The following TMEM178B variants were observed in gnomAD, a reference collection of about 807,000 sequenced individuals.
The protein encoded by TMEM178B is transmembrane protein 178B.
Under a neutral mutation model 31.0 loss-of-function variants are expected in TMEM178B, and 5 were observed. The ratio of observed to expected loss-of-function variants is 0.16; its 90% CI spans 0.08 to 0.34. The LOEUF is 0.34. TMEM178B is among the 10% of genes least tolerant of loss of function. The probability of loss-of-function intolerance (pLI) is 1.00; values close to 1 mark genes in which losing one functional copy is unlikely to be tolerated. For synonymous variants in TMEM178B, 164 were observed against 164.0 expected (o/e 1.00, Z 0.00); for missense variants, 275 against 400.3 (o/e 0.69, Z 2.67).
intron 1 of TMEM178B, among the ~76,000 whole-genome samples, chr7:141,088,056 G>A (rs530023552): frequency 6.6e-6 from 1 of 152,224 alleles, no homozygotes; most frequent in East Asian, 1.9e-4. Context: ...AAGGTCCCAG[G>A]TGGGTGTTCT....
intron 2 of TMEM178B, among the ~76,000 whole-genome samples, chr7:141,365,629 C>A (rs1563162862): frequency 6.6e-6 from 1 of 152,236 alleles, no homozygotes; most frequent in Non-Finnish European, 1.5e-5. Flanking sequence ...GCCTGGCTTA[C>A]AGCATATCTC....
At chr7:141,243,194 A>C (rs1348217837) in intron 2 of TMEM178B, among the ~76,000 whole-genome samples, 1 of 152,024 alleles carries the variant, frequency 6.6e-6, no homozygotes, top group Non-Finnish European at 1.5e-5. Context: ...AATGAAGGGG[A>C]GAATTGTCTC....
At chr7:141,304,623 C>T (rs919036661) in intron 2 of TMEM178B, among the ~76,000 whole-genome samples, 2 of 151,160 alleles carry the variant, frequency 1.3e-5, no homozygotes, top group African/African-American at 2.5e-5. Flanking sequence ...CTCCAGGCTT[C>T]AGGCCTGCTG....
chr7:141,286,863 T>G (rs780630499), intron 2 of TMEM178B, among the ~76,000 whole-genome samples: 5 of 152,338 alleles, frequency 3.3e-5, no homozygotes, highest in Admixed American at 1.3e-4. Context: ...TCTGGGACTT[T>G]TAATGACATT....
intron 2 of TMEM178B, chr7:141,297,185 G>A (rs1798648890): frequency 6.6e-6 from 1 of 152,182 alleles, no homozygotes. Context: ...GAGAGGTTAA[G>A]GATATAATTG....
intron 2 of TMEM178B, among the ~76,000 whole-genome samples, chr7:141,316,892 C>G (rs1799015207): frequency 6.6e-6 from 1 of 152,194 alleles, no homozygotes; most frequent in African/African-American, 2.4e-5. Flanking sequence ...ACACAACTGC[C>G]TCTCCTGCAG....
intron 2 of TMEM178B, among the ~76,000 whole-genome samples, chr7:141,401,221 AG>A (rs1384549605): frequency 1.3e-5 from 2 of 152,244 alleles, no homozygotes; most frequent in Non-Finnish European, 2.9e-5. Flanking sequence ...TGAATGAATG[AG>A]GGAACCCACT....
intron 1 of TMEM178B, among the ~76,000 whole-genome samples, chr7:141,122,139 C>T (rs1399634866): frequency 2.0e-5 from 3 of 151,940 alleles, no homozygotes; most frequent in Non-Finnish European, 4.4e-5. Flanking sequence ...AAAACTGGAA[C>T]ATAATATATT....
intron 2 of TMEM178B, among the ~76,000 whole-genome samples, chr7:141,291,317 G>A (rs1043876944): frequency 6.6e-6 from 1 of 152,104 alleles, no homozygotes; most frequent in African/African-American, 2.4e-5. Context: ...ACATCACCGT[G>A]TATCAGACTC....
chr7:141,313,873 G>A (rs1798955768), intron 2 of TMEM178B, among the ~76,000 whole-genome samples: 1 of 152,034 alleles, frequency 6.6e-6, no homozygotes, highest in Non-Finnish European at 1.5e-5. Context: ...ACTTTTGTTA[G>A]GACCCCCCTG....
At chr7:141,492,883 A>G in the TMEM178B span, among the ~76,000 whole-genome samples, 24 of 152,238 alleles carry the variant, frequency 1.6e-4, no homozygotes, top group Middle Eastern at 6.8e-3. Context: ...CACATCTTAG[A>G]TCTCACTGTT....
chr7:141,260,151 C>T (rs1288396874), intron 2 of TMEM178B, among the ~76,000 whole-genome samples: 1 of 152,156 alleles, frequency 6.6e-6, no homozygotes, highest in Non-Finnish European at 1.5e-5. Context: ...TTATTTGCCA[C>T]CGAGATTGCT....
chr7:141,147,734 C>T (rs1382618567), intron 1 of TMEM178B, among the ~76,000 whole-genome samples: 3 of 152,152 alleles, frequency 2.0e-5, no homozygotes, highest in African/African-American at 2.4e-5. Flanking sequence ...GCGAGAGAGA[C>T]AGGTTGTGGG....
chr7:141,129,924 G>A (rs562821477), intron 1 of TMEM178B, among the ~76,000 whole-genome samples: 6 of 152,168 alleles, frequency 3.9e-5, no homozygotes, highest in Non-Finnish European at 8.8e-5. Context: ...AAAGACCTGG[G>A]ATCAATAGAA....
At chr7:141,079,695 A>C (rs1188975870) in intron 1 of TMEM178B, among the ~76,000 whole-genome samples, 1 of 152,214 alleles carries the variant, frequency 6.6e-6, no homozygotes, top group Non-Finnish European at 1.5e-5. Context: ...ATTAAACATC[A>C]CTTGCAAAGT....
chr7:141,423,008 C>T (rs1278481810), intron 2 of TMEM178B, among the ~76,000 whole-genome samples: 2 of 152,132 alleles, frequency 1.3e-5, no homozygotes, highest in Non-Finnish European at 2.9e-5. Flanking sequence ...ACCTTACAGA[C>T]ACAAAAAGAA....
At chr7:141,329,180 A>C (rs73737788) in intron 2 of TMEM178B, among the ~76,000 whole-genome samples, 14,315 of 152,218 alleles carry the variant, frequency 0.094, 1,451 homozygotes, top group African/African-American at 0.26. Context: ...AACCTGAGAT[A>C]TCTGGCAAGA....
intron 2 of TMEM178B, among the ~76,000 whole-genome samples, chr7:141,258,459 G>A (rs1797963263): frequency 4.0e-5 from 6 of 151,816 alleles, no homozygotes; most frequent in Admixed American, 3.9e-4. Context: ...GGACAAGCTT[G>A]GTTTAAATAA....
At chr7:141,115,988 A>G (rs1332685470) in intron 1 of TMEM178B, among the ~76,000 whole-genome samples, 8 of 152,244 alleles carry the variant, frequency 5.3e-5, no homozygotes, top group Non-Finnish European at 8.8e-5. Context: ...AATTAACAAC[A>G]TTAATTTAAT....
Sources: gnomAD v4.1 joint callset for allele counts (sites outside exome capture counted in the v4.1 genomes callset) on GRCh38, gnomAD v4.1.1 for gene constraint, MANE v1.5 for transcripts, NCBI Gene and HGNC (gene_info 2026-07-23, HGNC 2026-07-21) for gene names.